Variants in DGKI observed in about 807,000 individuals in gnomAD.
DGKI encodes the protein diacylglycerol kinase iota.
DGKI carries 55 observed loss-of-function variants against 147.5 expected under a neutral mutation model. The observed-to-expected ratio is 0.37, with a 90% CI of 0.30 to 0.47. The LOEUF (loss-of-function observed/expected upper bound fraction) is 0.47, where lower values mean the gene tolerates loss of function less well. Among genes scored for constraint, DGKI ranks in the 20% least tolerant of loss-of-function variants. DGKI has a pLI of 1.00. For missense variants in DGKI, 1,007 were observed against 1,323.8 expected, an observed-to-expected ratio of 0.76 and a Z score of 3.71; for synonymous variants, 469 against 477.1, an observed-to-expected ratio of 0.98 and a Z score of 0.22.
intron 15 of DGKI, 25 bp from the exon 16 acceptor site, chr7:137,578,350 G>A (rs1819060753): frequency 1.3e-6 from 2 of 1,594,674 alleles, no homozygotes; most frequent in South Asian, 2.2e-5. Flanking sequence ...AAGTAGTTTT[G>A]TTATGGAGAC....
intron 4 of DGKI, among the ~76,000 whole-genome samples, chr7:137,655,201 C>CTT (rs201766847): frequency 2.8e-5 from 4 of 140,708 alleles, no homozygotes; most frequent in South Asian, 2.2e-4. Context: ...CAGAGTTATT[C>CTT]TTTTTTTTTT....
chr7:137,734,808 T>C (rs984437810), intron 1 of DGKI, among the ~76,000 whole-genome samples: 1 of 152,140 alleles, frequency 6.6e-6, no homozygotes, highest in Non-Finnish European at 1.5e-5. Context: ...ATGAGAGACC[T>C]TGCAGTCATT....
At chr7:137,630,882 G>C (rs1367731299) in intron 6 of DGKI, among the ~76,000 whole-genome samples, 10 of 152,006 alleles carry the variant, frequency 6.6e-5, no homozygotes, top group Non-Finnish European at 1.5e-5. Flanking sequence ...CTATCATTAT[G>C]ACAATGCTGA....
chr7:137,498,177 A>G (rs1816040710), intron 21 of DGKI, among the ~76,000 whole-genome samples: 2 of 151,856 alleles, frequency 1.3e-5, no homozygotes, highest in Non-Finnish European at 2.9e-5. Context: ...ATTTGATAAA[A>G]TAAATAGAGA....
intron 28 of DGKI, among the ~76,000 whole-genome samples, chr7:137,425,262 G>T: frequency 6.6e-6 from 1 of 152,294 alleles, no homozygotes; most frequent in East Asian, 1.9e-4. Context: ...GTTCTGCAGC[G>T]ACTGCTGCTG....
At chr7:137,788,796 A>T (rs577941934) in intron 1 of DGKI, among the ~76,000 whole-genome samples, 4 of 152,100 alleles carry the variant, frequency 2.6e-5, no homozygotes, top group Non-Finnish European at 4.4e-5. Flanking sequence ...CTGGGGAGTT[A>T]AGTGGATTAA....
chr7:137,540,783 AAAAAAC>A (rs1817670716), intron 20 of DGKI, among the ~76,000 whole-genome samples: 105 of 141,380 alleles, frequency 7.4e-4, no homozygotes, highest in African/African-American at 2.4e-3. Context: ...AAAAAAAAAA[AAAAAAC>A]ATTTACAATG....
At chr7:137,838,458 T>C (rs1355739193) in intron 1 of DGKI, among the ~76,000 whole-genome samples, 2 of 152,226 alleles carry the variant, frequency 1.3e-5, no homozygotes, top group African/African-American at 4.8e-5. Context: ...CATAAGCTTA[T>C]GTAAAGCTCT....
intron 1 of DGKI, among the ~76,000 whole-genome samples, chr7:137,808,638 C>A (rs942793110): frequency 2.0e-5 from 3 of 152,052 alleles, no homozygotes; most frequent in African/African-American, 7.3e-5. Context: ...TAATGTAGGT[C>A]AATGCAACAT....
chr7:137,704,314 G>C (rs993624615), intron 1 of DGKI, among the ~76,000 whole-genome samples: 3 of 152,156 alleles, frequency 2.0e-5, no homozygotes, highest in African/African-American at 7.2e-5. Flanking sequence ...TAAAGAGACA[G>C]ACAATATTGA....
intron 6 of DGKI, among the ~76,000 whole-genome samples, chr7:137,629,633 C>T (rs191059209): frequency 2.2e-4 from 33 of 152,282 alleles, no homozygotes; most frequent in Middle Eastern, 3.4e-3. Context: ...TTTGTTTTAA[C>T]CAACTATCTA....
At chr7:137,397,118 G>C (rs1393888150) in intron 31 of DGKI, among the ~76,000 whole-genome samples, 3 of 152,258 alleles carry the variant, frequency 2.0e-5, no homozygotes, top group Non-Finnish European at 4.4e-5. Flanking sequence ...CACCAGTGCA[G>C]AAGTACATTG....
At chr7:137,421,296 C>T (rs1812560927) in intron 28 of DGKI, among the ~76,000 whole-genome samples, 1 of 152,212 alleles carries the variant, frequency 6.6e-6, no homozygotes, top group African/African-American at 2.4e-5. Flanking sequence ...GTGCCAAATC[C>T]ATCTTAGATT....
intron 1 of DGKI, among the ~76,000 whole-genome samples, chr7:137,721,249 AATC>A (rs2116615773): frequency 6.6e-6 from 1 of 152,366 alleles, no homozygotes; most frequent in East Asian, 1.9e-4. Context: ...TACTACAAAC[AATC>A]CTACAATGAA....
rs570153913 is a variant in DGKI, at chr7:137,661,797, C to A, written c.607-5257G>T. ...GAGGCGCCATGCAGCCCAGGCAGGACTGTCCTCTCCTCCTCTTCAATGGCG... is the reference window on the plus strand; with the variant it reads ...GAGGCGCCATGCAGCCCAGGCAGGAATGTCCTCTCCTCCTCTTCAATGGCG... On this transcript the variant is annotated intron_variant, in intron 3 of 32. Coordinates refer to ENST00000614521, the MANE Select transcript of DGKI (RefSeq NM_001321708.2). Among the ~76,000 whole-genome samples, 3 of 152,262 alleles carry A rather than the reference C, an allele frequency of 2.0e-5. No homozygotes were observed. In the East Asian group the frequency reaches 5.8e-4, roughly 30 times the overall value.
intron 21 of DGKI, 36 bp from the exon 22 acceptor site, chr7:137,487,725 A>G: frequency 6.3e-7 from 1 of 1,579,300 alleles, no homozygotes; most frequent in Non-Finnish European, 8.7e-7. Flanking sequence ...CTAAAATAAC[A>G]TATTTGATTT....
At chr7:137,732,743 G>A (rs752460613) in intron 1 of DGKI, among the ~76,000 whole-genome samples, 3 of 151,552 alleles carry the variant, frequency 2.0e-5, no homozygotes, top group South Asian at 2.1e-4. Flanking sequence ...CCCCCAGCCC[G>A]CCTTTTGTAT....
chr7:137,558,949 A>C (rs967423015), intron 19 of DGKI, among the ~76,000 whole-genome samples: 2 of 144,870 alleles, frequency 1.4e-5, no homozygotes, highest in African/African-American at 5.2e-5. Context: ...ATAAATATTT[A>C]TAGCAAAAAT....
At position 137,406,930 on chromosome 7, in the gene DGKI, C is replaced by CAAAAAAAAAAAAAAAAAAAA. The variant is rs3046570; in HGVS notation, c.2920+944_2920+945insTTTTTTTTTTTTTTTTTTTT. Among the ~76,000 whole-genome samples, 2 of 92,544 alleles carry CAAAAAAAAAAAAAAAAAAAA rather than the reference C, an allele frequency of 2.2e-5. 1 individual carries two copies. The highest frequency in any genetic ancestry group is 4.0e-5 in the Non-Finnish European group (2 of 50,544). The allele number at this position is 92,544 out of a possible 152,430, so 60.7% of individuals were successfully genotyped here. A position where few individuals can be genotyped will look rare whatever the true frequency, so the allele number is the denominator to read the frequency against. Reference sequence around the variant, plus strand: ...GGAATAAGACATACTTGCTGAATTGCAAAAAAAAAAAAAAAAAAGGAGCAA... The same window carrying CAAAAAAAAAAAAAAAAAAAA: ...GGAATAAGACATACTTGCTGAATTGCAAAAAAAAAAAAAAAAAAAAAAAAAAAAAAAAAAAAAAGGAGCAA... On this transcript the variant is annotated intron_variant, in intron 30 of 32. Coordinates refer to ENST00000614521, the MANE Select transcript of DGKI (RefSeq NM_001321708.2).
Sources: gnomAD v4.1 joint callset for allele counts (sites outside exome capture counted in the v4.1 genomes callset) on GRCh38, gnomAD v4.1.1 for gene constraint, MANE v1.5 for transcripts, NCBI Gene and HGNC (gene_info 2026-07-23, HGNC 2026-07-21) for gene names.